BABAM2: variants seen among roughly 807,000 people sequenced by gnomAD.
BABAM2 encodes the protein BRISC and BRCA1-A complex member 2.
Under a neutral mutation model 54.7 loss-of-function variants are expected in BABAM2, and 31 were observed. That is an observed-to-expected ratio of 0.57 (90% CI 0.43 to 0.77). BABAM2 has a LOEUF of 0.77. Among genes scored for constraint, BABAM2 ranks in the 30% least tolerant of loss-of-function variants. BABAM2 has a pLI of 0.00. For missense variants in BABAM2, 364 were observed against 455.8 expected, an observed-to-expected ratio of 0.80 and a Z score of 1.83; for synonymous variants, 167 against 162.9, an observed-to-expected ratio of 1.03 and a Z score of -0.19.
chr2:28,051,278 T>G (rs952880329), intron 6 of BABAM2, among the ~76,000 whole-genome samples: 1 of 152,210 alleles, frequency 6.6e-6, no homozygotes, highest in African/African-American at 2.4e-5. Flanking sequence ...CTGTGAGAAT[T>G]CCCAGTGCTG....
chr2:28,166,567 C>T (rs1673698749), intron 7 of BABAM2, among the ~76,000 whole-genome samples: 1 of 152,084 alleles, frequency 6.6e-6, no homozygotes, highest in Non-Finnish European at 1.5e-5. Context: ...TTGGGTTCAG[C>T]AACTAGAGAT....
chr2:28,127,298 G>A (rs1480473313), intron 6 of BABAM2, among the ~76,000 whole-genome samples: 1 of 152,222 alleles, frequency 6.6e-6, no homozygotes, highest in Non-Finnish European at 1.5e-5. Flanking sequence ...CGAGAGGCAA[G>A]TGGTCACCCA....
At chr2:28,153,144 C>T (rs920836972) in intron 7 of BABAM2, among the ~76,000 whole-genome samples, 2 of 152,120 alleles carry the variant, frequency 1.3e-5, no homozygotes, top group South Asian at 2.1e-4. Flanking sequence ...ATGACTTTAG[C>T]ATTTAAGAAT....
intron 6 of BABAM2, among the ~76,000 whole-genome samples, chr2:28,054,155 T>C (rs1227673178): frequency 6.6e-6 from 1 of 151,272 alleles, no homozygotes; most frequent in South Asian, 2.1e-4. Flanking sequence ...TGGAGGGGAG[T>C]GTTTCTTCAC....
At chr2:27,928,176 C>T (rs929340893) in intron 2 of BABAM2, among the ~76,000 whole-genome samples, 18 of 152,072 alleles carry the variant, frequency 1.2e-4, no homozygotes, top group African/African-American at 4.3e-4. Flanking sequence ...CCACCATGCC[C>T]AGCTAATTTT....
Position 28,008,688 on chromosome 2 carries a change from C to T in BABAM2, c.301-16538C>T, listed in dbSNP as rs1467559970. 2.6e-5 allele frequency among the ~76,000 whole-genome samples: 4 copies of T among 152,114 alleles called. No homozygotes were observed. In the East Asian group the frequency reaches 7.7e-4, roughly 29 times the overall value. ...AATATGTCCAATTTGAGAATGATCA[C>T]ACCATTGAGTAAGCTATTTGGCACT... is the stretch of plus-strand genomic sequence containing the variant. On this transcript the variant is annotated intron_variant, in intron 4 of 11. Transcript: ENST00000379624.
intron 10 of BABAM2, among the ~76,000 whole-genome samples, chr2:28,285,026 G>A (rs1686676380): frequency 6.6e-6 from 1 of 152,152 alleles, no homozygotes; most frequent in African/African-American, 2.4e-5. Context: ...CTGAGGTCAG[G>A]TAGCAACTGG....
At chr2:28,114,642 G>T (rs1271699000) in intron 6 of BABAM2, among the ~76,000 whole-genome samples, 2 of 152,174 alleles carry the variant, frequency 1.3e-5, no homozygotes, top group Non-Finnish European at 1.5e-5. Flanking sequence ...TGTTGACTCA[G>T]TGAACACCAT....
chr2:28,128,940 T>C (rs1669803512), intron 6 of BABAM2, among the ~76,000 whole-genome samples: 2 of 152,244 alleles, frequency 1.3e-5, no homozygotes, highest in Non-Finnish European at 2.9e-5. Context: ...ATTATGTTTA[T>C]AGTAATATGT....
At chr2:27,911,302 A>G (rs1666578056) in intron 2 of BABAM2, among the ~76,000 whole-genome samples, 1 of 152,198 alleles carries the variant, frequency 6.6e-6, no homozygotes, top group Non-Finnish European at 1.5e-5. Context: ...CAAATGTATA[A>G]TATGTATACA....
intron 6 of BABAM2, among the ~76,000 whole-genome samples, chr2:28,072,448 C>T (rs990863012): frequency 4.0e-5 from 6 of 151,758 alleles, no homozygotes; most frequent in Admixed American, 6.6e-5. Context: ...TGCAGTGGCA[C>T]GATCTTGGCT....
At chr2:28,176,649 A>T (rs932168777) in intron 7 of BABAM2, among the ~76,000 whole-genome samples, 1 of 150,376 alleles carries the variant, frequency 6.6e-6, no homozygotes, top group Non-Finnish European at 1.5e-5. Context: ...AATTGGAAAA[A>T]CAATTCAGGA....
chr2:28,133,445 C>T (rs1477003801), intron 7 of BABAM2, among the ~76,000 whole-genome samples: 1 of 152,190 alleles, frequency 6.6e-6, no homozygotes, highest in Admixed American at 6.5e-5. Flanking sequence ...GCTTGTACTC[C>T]TTTTGGTTTC....
At chr2:28,013,319 T>C in intron 4 of BABAM2, 1 of 455,490 alleles carries the variant, frequency 2.2e-6, no homozygotes, top group South Asian at 1.6e-5. Context: ...TTGGTAGATA[T>C]TTGAACATGC....
intron 7 of BABAM2, among the ~76,000 whole-genome samples, chr2:28,223,382 T>G (rs992187971): frequency 2.0e-5 from 3 of 152,190 alleles, no homozygotes; most frequent in Non-Finnish European, 2.9e-5. Flanking sequence ...TGTGGACATT[T>G]CCTGGGGCAG....
Position 28,311,960 on chromosome 2 carries a change from C to A in BABAM2, c.1088+13469C>A, listed in dbSNP as rs565408357. On this transcript the variant is annotated intron_variant, in intron 11 of 11. Coordinates refer to ENST00000379624, the MANE Select transcript of BABAM2 (RefSeq NM_199191.3). Reference sequence around the variant, plus strand: ...TGAACACACACCCAATAAAATAATTCTAGATGCAATACATTTTCAGATGTC... The same window carrying A: ...TGAACACACACCCAATAAAATAATTATAGATGCAATACATTTTCAGATGTC... Among the ~76,000 whole-genome samples, 3 of 152,288 alleles carry A rather than the reference C, an allele frequency of 2.0e-5. No homozygotes were observed. The South Asian group carries it at 6.2e-4, about 32-fold the overall frequency.
At chr2:28,229,067 G>C (rs1681141030) in intron 7 of BABAM2, among the ~76,000 whole-genome samples, 1 of 152,138 alleles carries the variant, frequency 6.6e-6, no homozygotes, top group South Asian at 2.1e-4. Flanking sequence ...TTCAGTTCAG[G>C]TACCAAAATA....
In BABAM2 at chr2:27,943,529, C is replaced by G. The variant is rs372408166; in HGVS notation, c.205+13621C>G. Among the ~76,000 whole-genome samples the G allele has an allele frequency of 4.6e-5, 7 of 152,288 alleles. No individual in the cohort carries two copies. The East Asian group carries it at 1.2e-3, about 25-fold the overall frequency. On this transcript the variant is annotated intron_variant, in intron 3 of 11. Coordinates refer to ENST00000379624, the MANE Select transcript of BABAM2 (RefSeq NM_199191.3). ...ATGTATTTGGTTTTTCATTCGCGCT[C>G]ACAAACCTGCCACTCTAATGGAAGT...
At chr2:28,067,514 C>T (rs1482247243) in intron 6 of BABAM2, among the ~76,000 whole-genome samples, 3 of 152,170 alleles carry the variant, frequency 2.0e-5, no homozygotes, top group South Asian at 2.1e-4. Context: ...CATTATACAA[C>T]GGTCACCTCC....
Sources: allele counts gnomAD v4.1 joint callset (sites outside exome capture counted in the v4.1 genomes callset), GRCh38; gene constraint gnomAD v4.1.1; transcripts MANE v1.5; gene names NCBI Gene and HGNC (gene_info 2026-07-23, HGNC 2026-07-21).